The following EFNA5 variants were observed in gnomAD, a reference collection of about 807,000 sequenced individuals.
EFNA5 encodes the protein ephrin A5, also known as ephrin-A5.
In EFNA5, 5 loss-of-function variants were observed where a neutral mutation model predicts 22.9. That is an observed-to-expected ratio of 0.22 (90% CI 0.11 to 0.46). The LOEUF (loss-of-function observed/expected upper bound fraction) is 0.46. Ranked by LOEUF, EFNA5 falls within the 20% of genes least tolerant of loss-of-function variation. The probability of loss-of-function intolerance (pLI) is 0.99; values close to 1 mark genes in which losing one functional copy is unlikely to be tolerated. For missense variants in EFNA5, 237 were observed against 293.3 expected (o/e 0.81, Z 1.40); for synonymous variants, 113 against 112.2 (o/e 1.01, Z -0.04).
chr5:107,486,395 C>A (rs895704611), intron 1 of EFNA5, among the ~76,000 whole-genome samples: 21 of 152,134 alleles, frequency 1.4e-4, no homozygotes, highest in Admixed American at 9.2e-4. Flanking sequence ...GCTAGAGAAA[C>A]AAGACACACC....
intron 1 of EFNA5, among the ~76,000 whole-genome samples, chr5:107,558,465 T>C (rs1380447202): frequency 6.6e-6 from 1 of 152,176 alleles, no homozygotes; most frequent in Non-Finnish European, 1.5e-5. Context: ...ATTATATTAT[T>C]ACAGAGCTGA....
chr5:107,522,083 A>C (rs1421296716), intron 1 of EFNA5, among the ~76,000 whole-genome samples: 1 of 152,216 alleles, frequency 6.6e-6, no homozygotes, highest in Non-Finnish European at 1.5e-5. Flanking sequence ...TATTTTCAAG[A>C]ATGAAAACTC....
chr5:107,509,538 G>A (rs1580503329), intron 1 of EFNA5, among the ~76,000 whole-genome samples: 1 of 130,670 alleles, frequency 7.7e-6, no homozygotes, highest in East Asian at 2.2e-4. Flanking sequence ...TCACCATGTT[G>A]GCCAAGCTGG....
At chr5:107,616,830 T>C (rs1019532701) in intron 1 of EFNA5, among the ~76,000 whole-genome samples, 1 of 152,166 alleles carries the variant, frequency 6.6e-6, no homozygotes, top group African/African-American at 2.4e-5. Flanking sequence ...CAAACAAAAA[T>C]CACATTTTTA....
At chr5:107,434,821 C>A (rs114782663) in intron 1 of EFNA5, among the ~76,000 whole-genome samples, 1 of 152,184 alleles carries the variant, frequency 6.6e-6, no homozygotes, top group African/African-American at 2.4e-5. Context: ...TTGATTATTA[C>A]ATTTTAAATA....
chr5:107,582,690 A>G (rs1411879575), intron 1 of EFNA5, among the ~76,000 whole-genome samples: 5 of 152,178 alleles, frequency 3.3e-5, no homozygotes, highest in Non-Finnish European at 7.4e-5. Flanking sequence ...CCCCAAAAGT[A>G]AATGATTTAA....
rs539954219 is a variant in EFNA5, at chr5:107,513,535, A to G, written c.126-86026T>C. Among the ~76,000 whole-genome samples, 7 of 152,306 alleles carry G rather than the reference A, an allele frequency of 4.6e-5. No homozygotes were observed. The South Asian group carries it at 8.3e-4, about 18-fold the overall frequency. ...TATGCTGGGCAGATGTTAGAATTTT[A>G]AAACGAGAACTACCTGAATGGCCCC... On this transcript the variant is annotated intron_variant, in intron 1 of 4. Transcript: ENST00000333274.
intron 1 of EFNA5, among the ~76,000 whole-genome samples, chr5:107,445,004 A>T (rs1270803128): frequency 6.6e-6 from 1 of 152,182 alleles, no homozygotes; most frequent in African/African-American, 2.4e-5. Context: ...ATCATAGGAC[A>T]AGAGTATAAA....
intron 1 of EFNA5, among the ~76,000 whole-genome samples, chr5:107,467,805 G>A (rs1467240279): frequency 1.3e-5 from 2 of 152,176 alleles, no homozygotes; most frequent in Non-Finnish European, 2.9e-5. Context: ...CCAGGCAGAA[G>A]CAGGAAAGAG....
chr5:107,623,908 C>T (rs1367137360), intron 1 of EFNA5, among the ~76,000 whole-genome samples: 4 of 151,982 alleles, frequency 2.6e-5, no homozygotes, highest in African/African-American at 9.7e-5. Context: ...CACCTCCTCC[C>T]CAAATTCCAA....
At position 107,461,756 on chromosome 5, in the gene EFNA5, C is replaced by G. The variant is rs1011815296; in HGVS notation, c.126-34247G>C. Among the ~76,000 whole-genome samples the G allele has an allele frequency of 3.3e-5, 5 of 152,036 alleles. No individual in the cohort carries two copies. In the East Asian group the frequency reaches 9.7e-4, roughly 29 times the overall value. ...CAAATCCAGCAATAACTTGATTAAC[C>G]TATTTAGTCATGTTGGTTCATAAAG... On this transcript the variant is annotated intron_variant, in intron 1 of 4. Coordinates refer to ENST00000333274, the MANE Select transcript of EFNA5 (RefSeq NM_001962.3).
chr5:107,603,823 T>C (rs1338708298), intron 1 of EFNA5, among the ~76,000 whole-genome samples: 2 of 152,198 alleles, frequency 1.3e-5, no homozygotes, highest in Non-Finnish European at 2.9e-5. Context: ...GCCAAAGTGA[T>C]AGCAGAAATT....
intron 1 of EFNA5, among the ~76,000 whole-genome samples, chr5:107,514,991 G>C (rs901803857): frequency 6.6e-6 from 1 of 152,128 alleles, no homozygotes; most frequent in Non-Finnish European, 1.5e-5. Flanking sequence ...GTGAATGCCG[G>C]CAGGAACTAA....
At position 107,485,471 on chromosome 5, in the gene EFNA5, A is replaced by ATC. The variant is rs199517168; in HGVS notation, c.126-57964_126-57963dup. Reference sequence around the variant, plus strand: ...AGCAAGTCCTATTACTACTGAATGAATCTCTCTCTCTCTCTCTTTTTTTCT... The same window carrying ATC: ...AGCAAGTCCTATTACTACTGAATGAATCTCTCTCTCTCTCTCTCTTTTTTTCT... On this transcript the variant is annotated intron_variant, in intron 1 of 4. Coordinates refer to ENST00000333274, the MANE Select transcript of EFNA5 (RefSeq NM_001962.3). Among the ~76,000 whole-genome samples the ATC allele has an allele frequency of 2.3e-3, 353 of 151,890 alleles. 7 individuals carry two copies. In the East Asian group the frequency reaches 0.046, roughly 20 times the overall value.
chr5:107,495,203 AT>A (rs1746942928), intron 1 of EFNA5, among the ~76,000 whole-genome samples: 1 of 152,134 alleles, frequency 6.6e-6, no homozygotes. Context: ...CACTGCCTTT[AT>A]GAGCTATAAC....
intron 2 of EFNA5, among the ~76,000 whole-genome samples, chr5:107,413,145 G>A (rs907753329): frequency 6.6e-6 from 1 of 152,102 alleles, no homozygotes; most frequent in African/African-American, 2.4e-5. Context: ...CAAACCTAAT[G>A]AATGGTGAAG....
At chr5:107,545,039 G>A (rs749247312) in intron 1 of EFNA5, among the ~76,000 whole-genome samples, 10 of 152,126 alleles carry the variant, frequency 6.6e-5, no homozygotes, top group East Asian at 1.9e-4. Context: ...AAACATAACC[G>A]ACAACATCTA....
chr5:107,513,025 G>C (rs144545334), intron 1 of EFNA5, among the ~76,000 whole-genome samples: 1 of 152,104 alleles, frequency 6.6e-6, no homozygotes, highest in African/African-American at 2.4e-5. Flanking sequence ...GGGTACTTAC[G>C]TACCCAGTGG....
chr5:107,432,828 G>A (rs1748999447), intron 1 of EFNA5, among the ~76,000 whole-genome samples: 3 of 152,044 alleles, frequency 2.0e-5, no homozygotes, highest in Admixed American at 1.3e-4. Flanking sequence ...CCACTTACAC[G>A]TGGACTTGCT....
Sources: allele counts gnomAD v4.1 joint callset (sites outside exome capture counted in the v4.1 genomes callset), GRCh38; gene constraint gnomAD v4.1.1; transcripts MANE v1.5; gene names NCBI Gene and HGNC (gene_info 2026-07-23, HGNC 2026-07-21).